The following MIPEP variants were observed in gnomAD, a reference collection of about 807,000 sequenced individuals.
MIPEP encodes the protein mitochondrial intermediate peptidase.
MIPEP carries 79 observed loss-of-function variants against 90.3 expected under a neutral mutation model. The ratio of observed to expected loss-of-function variants is 0.87; its 90% CI spans 0.73 to 1.05. The LOEUF is 1.05. Ranked by LOEUF, MIPEP falls within the 50% of genes least tolerant of loss-of-function variation. The pLI is 0.00. For synonymous variants in MIPEP, 334 were observed against 315.8 expected, an observed-to-expected ratio of 1.06 and a Z score of -0.61; for missense variants, 940 against 905.6, an observed-to-expected ratio of 1.04 and a Z score of -0.49.
intron 8 of MIPEP, among the ~76,000 whole-genome samples, chr13:23,863,306 A>G (rs1437183964): frequency 6.6e-6 from 1 of 152,206 alleles, no homozygotes; most frequent in Non-Finnish European, 1.5e-5. Context: ...GATCGAAGGC[A>G]CTGAGCAGGG....
chr13:23,879,387 A>AT (rs768822458), intron 3 of MIPEP, 33 bp from the exon 4 acceptor site: 1 of 1,098,222 alleles, frequency 9.1e-7, no homozygotes, highest in Non-Finnish European at 1.4e-6. Context: ...AAATTAGATG[A>AT]TTTTCTAATA....
intron 4 of MIPEP, 115 bp from the exon 5 acceptor site, chr13:23,875,024 C>CAA: frequency 2.4e-6 from 1 of 418,462 alleles, no homozygotes; most frequent in African/African-American, 3.7e-5. Context: ...AAAGTTTCTT[C>CAA]AAAACACACA....
At chr13:23,888,589 CAG>C (rs1233161246) in intron 1 of MIPEP, 2 of 538,710 alleles carry the variant, frequency 3.7e-6, no homozygotes, top group Middle Eastern at 9.5e-4. Context: ...CTCGTCTCAA[CAG>C]AGTTTTGTGT....
intron 18 of MIPEP, among the ~76,000 whole-genome samples, chr13:23,750,879 GCT>G (rs940959425): frequency 2.6e-5 from 4 of 152,338 alleles, no homozygotes; most frequent in East Asian, 3.9e-4. Flanking sequence ...GGCACTGGGA[GCT>G]CTTTCAGTGG....
At chr13:23,836,138 A>G (rs1408010827) in intron 14 of MIPEP, 102 bp downstream of exon 14, 1 of 632,192 alleles carries the variant, frequency 1.6e-6, no homozygotes, top group Admixed American at 2.9e-5. Flanking sequence ...TTACTAACAG[A>G]GGGTGAGTTC....
intron 16 of MIPEP, among the ~76,000 whole-genome samples, chr13:23,796,602 A>G (rs1404474447): frequency 1.3e-5 from 2 of 151,726 alleles, no homozygotes; most frequent in Non-Finnish European, 2.9e-5. Flanking sequence ...AAACAAAAAA[A>G]CTCCACGTAG....
In MIPEP at chr13:23,873,874, C is replaced by T. The variant is rs115159050; in HGVS notation, c.603+972G>A. On this transcript the variant is annotated intron_variant, in intron 5 of 18. Coordinates refer to ENST00000382172, the MANE Select transcript of MIPEP (RefSeq NM_005932.4). Reference sequence around the variant, plus strand: ...AGCCTCATGGGCTGCTGGGAAGGCACGTCCTGGCTCAGGGTCAGACCAGGA... The same window carrying T: ...AGCCTCATGGGCTGCTGGGAAGGCATGTCCTGGCTCAGGGTCAGACCAGGA... Among the ~76,000 whole-genome samples the T allele has an allele frequency of 6.4e-3, 974 of 152,276 alleles. 13 individuals are homozygous for T. The highest frequency in any genetic ancestry group is 0.021 in the African/African-American group (862 of 41,560).
At chr13:23,799,170 ATT>A (rs34678080) in intron 16 of MIPEP, among the ~76,000 whole-genome samples, 8 of 143,400 alleles carry the variant, frequency 5.6e-5, no homozygotes, top group African/African-American at 1.0e-4. Flanking sequence ...CGCGCAGCTG[ATT>A]TTTTTTTTTT....
chr13:23,854,111 T>G lies in MIPEP; in HGVS notation c.1106+4749A>C, dbSNP rs546298955. ...GAGGCCGAGGTGGGCGGATCACAAG[T>G]TCAGCAGATCGAGATCATCCTGGCT... is the stretch of plus-strand genomic sequence containing the variant. On this transcript the variant is annotated intron_variant, in intron 10 of 18. Transcript: ENST00000382172. Among the ~76,000 whole-genome samples, 168 of 150,164 alleles carry G rather than the reference T, an allele frequency of 1.1e-3. 1 individual carries two copies. The highest frequency in any genetic ancestry group is 4.5e-3 in the East Asian group (22 of 4,928).
chr13:23,780,900 G>GA (rs1289626384), intron 16 of MIPEP, among the ~76,000 whole-genome samples: 1 of 151,452 alleles, frequency 6.6e-6, no homozygotes, highest in African/African-American at 2.4e-5. Flanking sequence ...GAGAAGTTTA[G>GA]AAAAAAAAGG....
chr13:23,870,671 G>A (rs1444707524), intron 5 of MIPEP, among the ~76,000 whole-genome samples: 1 of 152,088 alleles, frequency 6.6e-6, no homozygotes, highest in Non-Finnish European at 1.5e-5. Flanking sequence ...TGGGCGTGGT[G>A]GCACGTGCCT....
At chr13:23,732,549 ATATATTCATATGATGGAATAT>A (rs768212119) in intron 18 of MIPEP, among the ~76,000 whole-genome samples, 1 of 152,234 alleles carries the variant, frequency 6.6e-6, no homozygotes, top group Non-Finnish European at 1.5e-5. Context: ...ACACACTACA[ATATATTCATATGATGGAATAT>A]TACTCAGCAA....
At chr13:23,774,056 T>C (rs139567673) in intron 16 of MIPEP, among the ~76,000 whole-genome samples, 2 of 152,374 alleles carry the variant, frequency 1.3e-5, no homozygotes, top group East Asian at 3.9e-4. Context: ...TATTCCAGTT[T>C]TAACTCTTAA....
chr13:23,815,926 C>T lies in MIPEP; in HGVS notation c.1654-6002G>A, dbSNP rs139764673. Among the ~76,000 whole-genome samples the T allele has an allele frequency of 8.7e-3, 1,325 of 152,246 alleles. 18 individuals carry two copies. The highest frequency in any genetic ancestry group is 0.031 in the African/African-American group (1,281 of 41,536). On this transcript the variant is annotated intron_variant, in intron 14 of 18. Coordinates refer to ENST00000382172, the MANE Select transcript of MIPEP (RefSeq NM_005932.4). ...CTAGCTCATATTTATAAAATACTGG[C>T]ACTAATCAGAAAATCTCTCTCTTCT...
intron 1 of MIPEP, among the ~76,000 whole-genome samples, chr13:23,886,995 T>C (rs1200632887): frequency 2.0e-5 from 3 of 152,164 alleles, no homozygotes; most frequent in Non-Finnish European, 4.4e-5. Flanking sequence ...CCTTACAGCA[T>C]GGATACAGGT....
chr13:23,884,307 C>T (rs1426053644), intron 2 of MIPEP, among the ~76,000 whole-genome samples: 3 of 151,982 alleles, frequency 2.0e-5, no homozygotes, highest in African/African-American at 7.3e-5. Context: ...CAAATTTATA[C>T]GAGTTAAAAT....
chr13:23,733,811 G>A (rs1391944987), intron 18 of MIPEP, among the ~76,000 whole-genome samples: 3 of 152,164 alleles, frequency 2.0e-5, no homozygotes, highest in African/African-American at 7.2e-5. Context: ...CTCTATCTTA[G>A]GTACTATGTG....
At chr13:23,884,723 G>A (rs1192368599) in intron 2 of MIPEP, among the ~76,000 whole-genome samples, 1 of 152,206 alleles carries the variant, frequency 6.6e-6, no homozygotes, top group African/African-American at 2.4e-5. Context: ...GTTAATGCCA[G>A]AATATAAACT....
Position 23,840,626 on chromosome 13 carries a change from C to A in MIPEP, c.1260+709G>T, listed in dbSNP as rs180824056. Reference sequence around the variant, plus strand: ...CACCCTGACTCTCCTTTCAATCCCACCACCACACCTACTCTCCACTCACAA... The same window carrying A: ...CACCCTGACTCTCCTTTCAATCCCAACACCACACCTACTCTCCACTCACAA... On this transcript the variant is annotated intron_variant, in intron 11 of 18. Coordinates refer to ENST00000382172, the MANE Select transcript of MIPEP (RefSeq NM_005932.4). Among the ~76,000 whole-genome samples the A allele has an allele frequency of 2.5e-3, 375 of 152,304 alleles. 1 individual carries two copies. Among genetic ancestry groups the A allele is most frequent in the African/African-American group, 8.5e-3 (354 of 41,562 alleles).
Sources: gnomAD v4.1 joint callset for allele counts (sites outside exome capture counted in the v4.1 genomes callset) on GRCh38, gnomAD v4.1.1 for gene constraint, MANE v1.5 for transcripts, NCBI Gene and HGNC (gene_info 2026-07-23, HGNC 2026-07-21) for gene names.